Variants in RUNX1T1 observed in about 807,000 individuals in gnomAD.
The protein encoded by RUNX1T1 is protein CBFA2T1.
A neutral mutation model predicts 62.8 loss-of-function variants in RUNX1T1; 4 were observed. The observed-to-expected ratio is 0.06, with a 90% CI of 0.03 to 0.15. RUNX1T1 has a LOEUF of 0.15. RUNX1T1 is among the 10% of genes least tolerant of loss of function. The pLI is 1.00. For synonymous variants in RUNX1T1, 291 were observed against 286.0 expected, an observed-to-expected ratio of 1.02 and a Z score of -0.18; for missense variants, 508 against 754.3, an observed-to-expected ratio of 0.67 and a Z score of 3.82.
At chr8:92,075,775 C>T (rs1834327305) in intron 2 of RUNX1T1, among the ~76,000 whole-genome samples, 190 bp downstream of exon 2, 1 of 152,106 alleles carries the variant, frequency 6.6e-6, no homozygotes, top group African/African-American at 2.4e-5. Flanking sequence ...TTCCCACCAC[C>T]AGATTGATCC....
intron 1 of RUNX1T1, among the ~76,000 whole-genome samples, chr8:92,098,221 T>C (rs886165934): frequency 1.3e-5 from 2 of 152,208 alleles, no homozygotes; most frequent in African/African-American, 4.8e-5. Flanking sequence ...CATTATTTCA[T>C]TTGTAATTCT....
chr8:92,013,922 G>T (rs1290612742), intron 3 of RUNX1T1, among the ~76,000 whole-genome samples: 3 of 152,118 alleles, frequency 2.0e-5, no homozygotes, highest in African/African-American at 7.2e-5. Context: ...TCGGATTGAG[G>T]TGATGAAAAA....
chr8:91,977,852 G>C (rs554059152), intron 8 of RUNX1T1, among the ~76,000 whole-genome samples: 1 of 151,986 alleles, frequency 6.6e-6, no homozygotes, highest in Non-Finnish European at 1.5e-5. Flanking sequence ...GCAGTGGCAC[G>C]ATCACAGCTC....
At chr8:91,992,402 G>A (rs754539666) in intron 5 of RUNX1T1, among the ~76,000 whole-genome samples, 14 of 152,174 alleles carry the variant, frequency 9.2e-5, no homozygotes, top group Non-Finnish European at 1.9e-4. Flanking sequence ...AACTTAAAAT[G>A]TAAGTTACTT....
chr8:92,099,225 AGTT>A (rs1292944336), intron 1 of RUNX1T1, among the ~76,000 whole-genome samples: 1 of 152,200 alleles, frequency 6.6e-6, no homozygotes, highest in Non-Finnish European at 1.5e-5. Context: ...ATAGATTTTA[AGTT>A]GTTATTAACA....
At chr8:92,034,449 G>C (rs1826863971) in intron 1 of RUNX1T1, among the ~76,000 whole-genome samples, 1 of 152,060 alleles carries the variant, frequency 6.6e-6, no homozygotes, top group South Asian at 2.1e-4. Context: ...GGCTCCCAAA[G>C]ACAAATTTGA....
At chr8:91,979,990 A>G in intron 8 of RUNX1T1, 1 of 315,366 alleles carries the variant, frequency 3.2e-6, no homozygotes. Flanking sequence ...AACCATCAAA[A>G]GAAAGAAAGA....
At chr8:92,072,547 G>A (rs989391387) in intron 2 of RUNX1T1, among the ~76,000 whole-genome samples, 1 of 152,176 alleles carries the variant, frequency 6.6e-6, no homozygotes, top group South Asian at 2.1e-4. Context: ...GAGACCAAAA[G>A]AGAGAAGAAT....
chr8:91,994,440 C>T (rs781486596), intron 5 of RUNX1T1: 1 of 259,814 alleles, frequency 3.8e-6, no homozygotes, highest in Non-Finnish European at 8.0e-6. Flanking sequence ...CTGGAAAATA[C>T]TGAAGACTAT....
At chr8:92,039,299 G>A (rs73695107) in intron 1 of RUNX1T1, among the ~76,000 whole-genome samples, 395 of 152,130 alleles carry the variant, frequency 2.6e-3, no homozygotes, top group African/African-American at 8.8e-3. Context: ...GAGCCACCAC[G>A]CCTGGCCCAA....
intron 1 of RUNX1T1, among the ~76,000 whole-genome samples, chr8:92,078,201 T>C (rs1335347126): frequency 7.4e-6 from 1 of 135,090 alleles, no homozygotes; most frequent in African/African-American, 2.7e-5. Flanking sequence ...AAAGGGTAAC[T>C]AAAAAAAAAA....
At chr8:91,975,865 C>G (rs764645475) in intron 9 of RUNX1T1, 40 bp downstream of exon 10, 2 of 1,365,666 alleles carry the variant, frequency 1.5e-6, no homozygotes, top group Middle Eastern at 1.8e-4. Context: ...CTGCACACAG[C>G]TGCCAGAACA....
intron 8 of RUNX1T1, 23 bp from the exon 10 acceptor site, chr8:91,975,996 G>A: frequency 1.9e-6 from 3 of 1,569,848 alleles, no homozygotes; most frequent in East Asian, 4.5e-5. Flanking sequence ...TGGGAAGGGG[G>A]TGGAGAGAGG....
chr8:92,033,709 C>T (rs563645255), intron 1 of RUNX1T1, among the ~76,000 whole-genome samples: 3 of 152,230 alleles, frequency 2.0e-5, no homozygotes, highest in African/African-American at 7.2e-5. Flanking sequence ...CGGTGGCTCA[C>T]GCCTATAATC....
At chr8:92,003,331 C>G (rs774357151) in intron 5 of RUNX1T1, 3 of 456,138 alleles carry the variant, frequency 6.6e-6, no homozygotes, top group Non-Finnish European at 1.3e-5. Flanking sequence ...AGTCAAAAGT[C>G]ACAATACATT....
intron 10 of RUNX1T1, among the ~76,000 whole-genome samples, chr8:91,966,135 A>G (rs528823711): frequency 2.0e-5 from 3 of 148,064 alleles, no homozygotes; most frequent in South Asian, 2.1e-4. Context: ...ATATATATAT[A>G]TAATTGTACA....
chr8:92,003,461 G>A (rs775798599), intron 5 of RUNX1T1: 31 of 443,548 alleles, frequency 7.0e-5, no homozygotes, highest in Non-Finnish European at 1.2e-4. Flanking sequence ...GCCAGAGTAA[G>A]TTGTGTCCAT....
At chr8:92,050,584 C>T (rs1830079187) in intron 1 of RUNX1T1, among the ~76,000 whole-genome samples, 1 of 152,186 alleles carries the variant, frequency 6.6e-6, no homozygotes. Flanking sequence ...GGTTAAATAA[C>T]TGCTCAAAAT....
chr8:91,956,585 C>T, downstream of RUNX1T1: 1 of 219,498 alleles, frequency 4.6e-6, no homozygotes, highest in Non-Finnish European at 9.1e-6. Context: ...ACAGACCATA[C>T]ATTACAGTCC....
Sources: gnomAD v4.1 joint callset for allele counts (sites outside exome capture counted in the v4.1 genomes callset) on GRCh38, gnomAD v4.1.1 for gene constraint, MANE v1.5 for transcripts, NCBI Gene and HGNC (gene_info 2026-07-23, HGNC 2026-07-21) for gene names.